BLTP3B: variants seen among roughly 807,000 people sequenced by gnomAD.
The protein encoded by BLTP3B is bridge-like lipid transfer protein family member 3B.
the BLTP3B span, among the ~76,000 whole-genome samples, chr12:100,114,481 A>T: frequency 6.6e-6 from 1 of 152,198 alleles, no homozygotes; most frequent in Non-Finnish European, 1.5e-5. Context: ...AGTAATTGAC[A>T]TCACTAGCTA....
the BLTP3B span, among the ~76,000 whole-genome samples, chr12:100,079,614 G>A: frequency 4.6e-5 from 7 of 152,190 alleles, no homozygotes; most frequent in African/African-American, 1.7e-4. Flanking sequence ...GCCTGACAAT[G>A]CGATAGAAAA....
At chr12:100,051,407 A>G in the BLTP3B span, 17 of 475,676 alleles carry the variant, frequency 3.6e-5, no homozygotes, top group Non-Finnish European at 5.6e-5. Context: ...CTATAATTCA[A>G]TATTTCTCAA....
the BLTP3B span, among the ~76,000 whole-genome samples, chr12:100,071,832 T>G: frequency 1.3e-5 from 2 of 152,216 alleles, no homozygotes; most frequent in Admixed American, 6.5e-5. Flanking sequence ...TGAAGTTATA[T>G]AGCTGACATA....
chr12:100,048,758 G>C, the BLTP3B span, among the ~76,000 whole-genome samples: 21 of 131,556 alleles, frequency 1.6e-4, no homozygotes, highest in African/African-American at 6.0e-4. Context: ...GAGAGAGAGA[G>C]AGAGTGAGAG....
At chr12:100,059,671 C>G in the BLTP3B span, 1 of 1,150,066 alleles carries the variant, frequency 8.7e-7, no homozygotes, top group Non-Finnish European at 1.2e-6. Flanking sequence ...ACGTAAAACA[C>G]TAACTCTTCC....
At chr12:100,042,948 C>T in the BLTP3B span, among the ~76,000 whole-genome samples, 3 of 152,160 alleles carry the variant, frequency 2.0e-5, no homozygotes, top group East Asian at 1.9e-4. Flanking sequence ...TACAGATGTG[C>T]GCCAAGACAC....
At chr12:100,132,185 T>G in the BLTP3B span, among the ~76,000 whole-genome samples, 1 of 152,190 alleles carries the variant, frequency 6.6e-6, no homozygotes, top group African/African-American at 2.4e-5. Context: ...ATTTAAAAAG[T>G]GTTTAAACTG....
the BLTP3B span, among the ~76,000 whole-genome samples, chr12:100,043,152 G>A: frequency 6.6e-6 from 1 of 152,316 alleles, no homozygotes; most frequent in African/African-American, 2.4e-5. Flanking sequence ...CATAATAATA[G>A]TGTAAACATG....
chr12:100,098,381 T>C, the BLTP3B span: 1 of 1,607,302 alleles, frequency 6.2e-7, no homozygotes, highest in East Asian at 2.2e-5. Flanking sequence ...TGAATACGAG[T>C]AAATCTCAAA....
At chr12:100,059,949 T>C in the BLTP3B span, 219 of 1,613,232 alleles carry the variant, frequency 1.4e-4, no homozygotes, top group African/African-American at 2.7e-3. Flanking sequence ...GACTCTGTTT[T>C]AAATCCAACA....
At chr12:100,098,943 CACATAGATACATAGAT>C in the BLTP3B span, among the ~76,000 whole-genome samples, 2 of 119,828 alleles carry the variant, frequency 1.7e-5, no homozygotes. Context: ...GACAGACAGA[CACATAGATACATAGAT>C]ACATAGATAC....
the BLTP3B span, among the ~76,000 whole-genome samples, chr12:100,094,869 T>C: frequency 7.9e-5 from 12 of 152,114 alleles, no homozygotes; most frequent in Admixed American, 3.9e-4. Flanking sequence ...AAATAAAGCC[T>C]AAATGTATGC....
the BLTP3B span, among the ~76,000 whole-genome samples, chr12:100,111,358 A>C: frequency 2.3e-4 from 29 of 125,496 alleles, no homozygotes; most frequent in African/African-American, 9.1e-4. Flanking sequence ...CAGTGGTGTG[A>C]TCATGGCTCA....
chr12:100,037,267 G>A, the BLTP3B span: 55 of 987,744 alleles, frequency 5.6e-5, no homozygotes, highest in Non-Finnish European at 6.1e-5. Context: ...AATCAATTCA[G>A]CAATCTGTGT....
the BLTP3B span, chr12:100,089,004 T>C: frequency 1.2e-4 from 201 of 1,612,272 alleles, 2 homozygotes; most frequent in African/African-American, 2.3e-3. Context: ...ATCAAAATCA[T>C]TGAATAGTTT....
chr12:100,142,853 T>A, the BLTP3B span: 1 of 583,684 alleles, frequency 1.7e-6, no homozygotes, highest in African/African-American at 2.0e-5. Context: ...CCATCTTGGC[T>A]GCAGCATCAC....
the BLTP3B span, among the ~76,000 whole-genome samples, chr12:100,077,304 A>G: frequency 6.6e-6 from 1 of 152,244 alleles, no homozygotes; most frequent in Non-Finnish European, 1.5e-5. Context: ...TAGGAGGAAT[A>G]GGATATACCA....
chr12:100,095,652 A>G, the BLTP3B span: 1 of 1,581,316 alleles, frequency 6.3e-7, no homozygotes, highest in Non-Finnish European at 8.5e-7. Context: ...TTTTCCTGTT[A>G]ACTTTATAGC....
chr12:100,041,234 G>C, the BLTP3B span, among the ~76,000 whole-genome samples: 3 of 152,040 alleles, frequency 2.0e-5, no homozygotes, highest in Non-Finnish European at 4.4e-5. Flanking sequence ...TGCAGAAAAA[G>C]CATCTGACAA....
Sources: gnomAD v4.1 joint callset for allele counts (sites outside exome capture counted in the v4.1 genomes callset) on GRCh38, gnomAD v4.1.1 for gene constraint, MANE v1.5 for transcripts, NCBI Gene and HGNC (gene_info 2026-07-23, HGNC 2026-07-21) for gene names.